EIF3L: variants seen among roughly 807,000 people sequenced by gnomAD.
EIF3L encodes eukaryotic translation initiation factor 3 subunit L.
Under a neutral mutation model 74.6 loss-of-function variants are expected in EIF3L, and 32 were observed. That is an observed-to-expected ratio of 0.43 (90% CI 0.32 to 0.58). The LOEUF (loss-of-function observed/expected upper bound fraction) is 0.58. Among genes scored for constraint, EIF3L ranks in the 20% least tolerant of loss-of-function variants. EIF3L has a pLI of 0.06. For synonymous variants in EIF3L, 256 were observed against 254.4 expected (o/e 1.01, Z -0.06); for missense variants, 474 against 707.8 (o/e 0.67, Z 3.75).
chr22:37,849,767 G>T, intron 1 of EIF3L: 1 of 606,084 alleles, frequency 1.6e-6, no homozygotes, highest in East Asian at 2.8e-5. Context: ...TCTAGGCTCC[G>T]TCTGGTCAAA....
Position 37,863,615 on chromosome 22 carries a change from C to G in EIF3L, c.579+270C>G, listed in dbSNP as rs367853041. Among the ~76,000 whole-genome samples, 5 of 152,148 alleles carry G rather than the reference C, an allele frequency of 3.3e-5. No homozygotes were observed. The South Asian group carries it at 1.0e-3, about 32-fold the overall frequency. On this transcript the variant is annotated intron_variant, in intron 7 of 12. Transcript: ENST00000652021. ...TTGTTAGGTGGTCTGGTGGTAAGAACACAGGCTTCACAGGCTTTGGAGCGA... is the reference window on the plus strand; with the variant it reads ...TTGTTAGGTGGTCTGGTGGTAAGAAGACAGGCTTCACAGGCTTTGGAGCGA...
intron 10 of EIF3L, 71 bp downstream of exon 10, chr22:37,876,082 T>G: frequency 2.6e-6 from 4 of 1,520,962 alleles, no homozygotes; most frequent in Non-Finnish European, 3.6e-6. Context: ...TGCCAACCAT[T>G]CTTGGTAAAC....
intron 1 of EIF3L, 23 bp downstream of exon 1, chr22:37,849,505 G>A: frequency 6.3e-7 from 1 of 1,580,228 alleles, no homozygotes; most frequent in Non-Finnish European, 8.6e-7. Context: ...TAAGGGCGCG[G>A]TGGGCTCCAC....
Position 37,850,039 on chromosome 22 carries a change from C to T in EIF3L, c.58C>T (p.Pro20Ser). 1.2e-6 allele frequency: 2 copies of T among 1,613,740 alleles called. No individual in the cohort carries two copies. The highest frequency in any genetic ancestry group is 1.7e-6 in the Non-Finnish European group (2 of 1,179,814). The change falls in exon 2 of 13, where the codon CCC becomes TCC. Residue 20 changes from proline to serine, a missense_variant. This residue lies in a region of EIF3L where 39 missense variants were observed against 24.2 expected (regional missense o/e 1.61). Transcript: ENST00000652021. ...SEAAYDPYAY[P>S]SDYDMHTGDP... Reference sequence around the variant, plus strand: ...GGCGGCTTATGACCCCTACGCTTATCCCAGCGACTATGATATGCACACAGG... The same window carrying T: ...GGCGGCTTATGACCCCTACGCTTATTCCAGCGACTATGATATGCACACAGG...
rs984391833 is a variant in EIF3L, at chr22:37,889,260, C to G, written c.*796C>G. On this transcript the variant is annotated 3_prime_UTR_variant, in exon 13 of 13. Coordinates refer to ENST00000652021, the MANE Select transcript of EIF3L (RefSeq NM_016091.4). ...AGAGATGGGGTTTCACCGTGTTAGC[C>G]AGGATGGTCTCAGATTTCCTGACCT... 8 of 152,068 alleles carry G rather than the reference C, an allele frequency of 5.3e-5. No homozygotes were observed. Among genetic ancestry groups the G allele is most frequent in the Non-Finnish European group, 1.2e-4 (8 of 68,056 alleles). The allele number at this position is 152,068 out of a possible 1,614,324, so 9.4% of individuals were successfully genotyped here.
At chr22:37,874,895 A>ATTTT (rs35994639) in intron 9 of EIF3L, among the ~76,000 whole-genome samples, 4 of 113,488 alleles carry the variant, frequency 3.5e-5, no homozygotes, top group Admixed American at 9.8e-5. Flanking sequence ...TGCCCAGCTA[A>ATTTT]TTTTTTTTTT....
At chr22:37,851,118 G>A (rs1001606052) in intron 2 of EIF3L, among the ~76,000 whole-genome samples, 162 bp from the exon 3 acceptor site, 1 of 152,190 alleles carries the variant, frequency 6.6e-6, no homozygotes, top group Admixed American at 6.5e-5. Context: ...TGAAGAAACA[G>A]GGACAACGAG....
chr22:37,849,931 C>T, intron 1 of EIF3L, 84 bp from the exon 2 acceptor site: 2 of 1,479,992 alleles, frequency 1.4e-6, no homozygotes, highest in Non-Finnish European at 1.9e-6. Flanking sequence ...ATCCTTAGCT[C>T]TCTGCTTGGC....
At chr22:37,865,291 C>T in intron 7 of EIF3L, among the ~76,000 whole-genome samples, 1 of 150,962 alleles carries the variant, frequency 6.6e-6, no homozygotes. Flanking sequence ...TGGTGAAACC[C>T]CATCTCTACT....
chr22:37,868,421 C>G (rs1053390163), intron 7 of EIF3L, among the ~76,000 whole-genome samples: 1 of 151,062 alleles, frequency 6.6e-6, no homozygotes, highest in African/African-American at 2.4e-5. Context: ...GCCACCGCAC[C>G]CAGCCTGAGA....
chr22:37,849,931 C>A lies in EIF3L; in HGVS notation c.34-84C>A, dbSNP rs113344672. 8.5e-4 allele frequency: 1,259 copies of A among 1,479,992 alleles called. 14 individuals carry two copies. The African/African-American group carries it at 0.015, about 18-fold the overall frequency. The allele number at this position is 1,479,992 out of a possible 1,614,324, so 91.7% of individuals were successfully genotyped here. On this transcript the variant is annotated intron_variant, in intron 1 of 12. Coordinates refer to ENST00000652021, the MANE Select transcript of EIF3L (RefSeq NM_016091.4). Reference sequence around the variant, plus strand: ...CTTATTCGCCTCTGTATCCTTAGCTCTCTGCTTGGCATCTAGACTCTAGGA... The same window carrying A: ...CTTATTCGCCTCTGTATCCTTAGCTATCTGCTTGGCATCTAGACTCTAGGA...
At chr22:37,858,845 G>A (rs1925687003) in intron 5 of EIF3L, 105 bp downstream of exon 5, 16 of 1,007,282 alleles carry the variant, frequency 1.6e-5, no homozygotes, top group Non-Finnish European at 2.2e-5. Flanking sequence ...TTCAGTGTCT[G>A]GGCATGATTG....
chr22:37,868,316 G>A (rs908363566), intron 7 of EIF3L, among the ~76,000 whole-genome samples: 2 of 150,600 alleles, frequency 1.3e-5, no homozygotes, highest in Non-Finnish European at 3.0e-5. Flanking sequence ...GTAGAGACGG[G>A]GTTTCACCAT....
At chr22:37,869,834 T>G (rs1569118002) in intron 7 of EIF3L, among the ~76,000 whole-genome samples, 2 of 152,152 alleles carry the variant, frequency 1.3e-5, no homozygotes, top group African/African-American at 2.4e-5. Flanking sequence ...CCCTGTGGTG[T>G]TTCTGGTGGC....
In EIF3L at chr22:37,849,425, G is replaced by T; in HGVS notation, c.-25G>T. ...GCGGGCCGCTCATTTCGCTCTTTCC[G>T]GCGGTGCTCGCAAGCGAGGCAGCCA... is the stretch of plus-strand genomic sequence containing the variant. On this transcript the variant is annotated 5_prime_UTR_variant, in exon 1 of 13. Coordinates refer to ENST00000652021, the MANE Select transcript of EIF3L (RefSeq NM_016091.4). 6.2e-7 allele frequency: 1 copy of T among 1,613,998 alleles called. No individual in the cohort carries two copies. The highest frequency in any genetic ancestry group is 8.5e-7 in the Non-Finnish European group (1 of 1,179,954).
At chr22:37,878,985 C>G (rs1193434011) in intron 11 of EIF3L, 1 of 148,580 alleles carries the variant, frequency 6.7e-6, no homozygotes, top group Non-Finnish European at 1.5e-5. Flanking sequence ...GGTCTGTCGC[C>G]CAGGCTAGAG....
intron 3 of EIF3L, among the ~76,000 whole-genome samples, chr22:37,852,045 G>C (rs1432277960): frequency 6.6e-6 from 1 of 151,834 alleles, no homozygotes; most frequent in African/African-American, 2.4e-5. Context: ...CTCAAGTGAT[G>C]TACCCCCGTT....
At chr22:37,859,985 C>G (rs965666679) in intron 5 of EIF3L, among the ~76,000 whole-genome samples, 1 of 152,046 alleles carries the variant, frequency 6.6e-6, no homozygotes, top group Non-Finnish European at 1.5e-5. Context: ...GCACTCCAGC[C>G]TGGGTGACAG....
intron 11 of EIF3L, chr22:37,885,945 CTT>C: frequency 6.6e-6 from 1 of 151,050 alleles, no homozygotes; most frequent in South Asian, 2.1e-4. Context: ...AATCCCAACA[CTT>C]TGGGAGGCCA....
Sources: allele counts gnomAD v4.1 joint callset (sites outside exome capture counted in the v4.1 genomes callset), GRCh38; gene constraint gnomAD v4.1.1; regional missense constraint gnomAD v4.1.1; transcripts MANE v1.5; gene names NCBI Gene and HGNC (gene_info 2026-07-23, HGNC 2026-07-21).